UBN2: variants seen among roughly 807,000 people sequenced by gnomAD.
The protein encoded by UBN2 is ubinuclein 2.
Under a neutral mutation model 120.2 loss-of-function variants are expected in UBN2, and 35 were observed. That is an observed-to-expected ratio of 0.29 (90% CI 0.22 to 0.39). UBN2 has a LOEUF of 0.39. UBN2 is among the 10% of genes least tolerant of loss of function. The pLI, the probability that UBN2 is intolerant of heterozygous loss-of-function variation, is 1.00. For synonymous variants in UBN2, 661 were observed against 648.7 expected (o/e 1.02, Z -0.29); for missense variants, 1,693 against 1,663.2 (o/e 1.02, Z -0.31).
chr7:139,312,993 C>A (rs1203608665), downstream of UBN2, among the ~76,000 whole-genome samples: 1 of 151,868 alleles, frequency 6.6e-6, no homozygotes, highest in African/African-American at 2.4e-5. Context: ...TTCCATTGTT[C>A]TTTTTATTTC....
chr7:139,323,712 C>T, the UBN2 span, among the ~76,000 whole-genome samples: 1 of 151,886 alleles, frequency 6.6e-6, no homozygotes, highest in East Asian at 1.9e-4. Flanking sequence ...GCCTCAGCCT[C>T]CTGAGTAGCT....
At chr7:139,328,998 C>T in the UBN2 span, among the ~76,000 whole-genome samples, 1 of 151,964 alleles carries the variant, frequency 6.6e-6, no homozygotes, top group African/African-American at 2.4e-5. Flanking sequence ...GTAATCCCAG[C>T]ATTTTGGGAG....
At chr7:139,322,054 A>T in the UBN2 span, among the ~76,000 whole-genome samples, 1 of 152,056 alleles carries the variant, frequency 6.6e-6, no homozygotes, top group East Asian at 1.9e-4. Context: ...GCTCACTGCA[A>T]CCTCTGCCTC....
chr7:139,294,700 G>T (rs1798061431), intron 17 of UBN2, among the ~76,000 whole-genome samples: 2 of 152,186 alleles, frequency 1.3e-5, no homozygotes, highest in African/African-American at 4.8e-5. Flanking sequence ...AGTTAGCCAG[G>T]CCTGATGGCG....
intron 2 of UBN2, among the ~76,000 whole-genome samples, chr7:139,240,404 G>A (rs1194397226): frequency 6.9e-6 from 1 of 144,864 alleles, no homozygotes; most frequent in African/African-American, 2.5e-5. Context: ...TGAGTTTACA[G>A]ATATGAGCCA....
At chr7:139,281,946 ATAC>A (rs1242155257) in intron 13 of UBN2, 56 bp from the exon 14 acceptor site, 64 of 1,544,180 alleles carry the variant, frequency 4.1e-5, no homozygotes, top group South Asian at 5.7e-5. Flanking sequence ...CTTAGAAAAA[ATAC>A]TAAGGAAGTT....
intron 2 of UBN2, among the ~76,000 whole-genome samples, chr7:139,243,587 T>C (rs545295072): frequency 6.6e-5 from 10 of 152,340 alleles, no homozygotes; most frequent in African/African-American, 2.4e-4. Context: ...TTCCAGCTTA[T>C]ACAATTTACA....
chr7:139,329,548 G>T, the UBN2 span, among the ~76,000 whole-genome samples: 1 of 152,122 alleles, frequency 6.6e-6, no homozygotes, highest in Non-Finnish European at 1.5e-5. Flanking sequence ...CATTCCCACT[G>T]AAACAGAAGT....
chr7:139,289,930 G>T (rs1797902888), intron 15 of UBN2, among the ~76,000 whole-genome samples: 1 of 150,986 alleles, frequency 6.6e-6, no homozygotes, highest in Non-Finnish European at 1.5e-5. Context: ...GTCTTGCTCT[G>T]TTGCCCAGGC....
intron 2 of UBN2, among the ~76,000 whole-genome samples, chr7:139,238,274 T>C (rs767752071): frequency 6.6e-6 from 1 of 152,186 alleles, no homozygotes; most frequent in Non-Finnish European, 1.5e-5. Flanking sequence ...TTGACCCATA[T>C]GTGCTGGCTC....
chr7:139,291,791 C>G (rs994314639), intron 15 of UBN2, among the ~76,000 whole-genome samples: 1 of 150,960 alleles, frequency 6.6e-6, no homozygotes, highest in Non-Finnish European at 1.5e-5. Context: ...GAGTTTGAGT[C>G]TGCCATGAGC....
At chr7:139,284,669 G>C in intron 15 of UBN2, 95 bp downstream of exon 15, 1 of 1,127,476 alleles carries the variant, frequency 8.9e-7, no homozygotes, top group Non-Finnish European at 1.2e-6. Context: ...ATGATATGTG[G>C]ATTGTTCTCA....
chr7:139,253,374 G>C (rs1796672956), intron 3 of UBN2, among the ~76,000 whole-genome samples: 1 of 152,096 alleles, frequency 6.6e-6, no homozygotes, highest in Non-Finnish European at 1.5e-5. Context: ...TTGGTCAAAG[G>C]GCATTTATTT....
At chr7:139,282,566 A>AT (rs1563221975) in intron 14 of UBN2, among the ~76,000 whole-genome samples, 1 of 152,218 alleles carries the variant, frequency 6.6e-6, no homozygotes, top group African/African-American at 2.4e-5. Flanking sequence ...AGGACAGGGC[A>AT]TACAAAGAGG....
the UBN2 span, chr7:139,315,518 T>C: frequency 6.6e-6 from 1 of 152,218 alleles, no homozygotes; most frequent in Non-Finnish European, 1.5e-5. Flanking sequence ...TATGGATATG[T>C]CACAGTTTAC....
At chr7:139,288,866 G>A (rs1451710360) in intron 15 of UBN2, among the ~76,000 whole-genome samples, 1 of 151,906 alleles carries the variant, frequency 6.6e-6, no homozygotes, top group Admixed American at 6.6e-5. Context: ...GCTGGGTATG[G>A]TGGCACGTGC....
chr7:139,284,403 T>C lies in UBN2; in HGVS notation c.3498T>C (p.Ile1166=). The C allele has an allele frequency of 1.1e-5, 18 of 1,614,164 alleles. No individual in the cohort carries two copies. Among genetic ancestry groups the C allele is most frequent in the Non-Finnish European group, 1.5e-5 (18 of 1,180,036 alleles). ...TTGGGAAGAACAGCTTGAGTGGAAT[T>C]GCAATGAATGTACCTGCCAGCAGAG... The part of the protein sequence containing the change: ...GTVGKNSLSG[I]AMNVPASRGS... The change falls in exon 15 of 18, where the codon ATT becomes ATC. Residue 1166 remains isoleucine (I), a synonymous_variant. Coordinates refer to ENST00000473989, the MANE Select transcript of UBN2 (RefSeq NM_173569.4).
downstream of UBN2, among the ~76,000 whole-genome samples, chr7:139,308,798 G>A (rs541157786): frequency 3.4e-4 from 52 of 152,322 alleles, no homozygotes; most frequent in East Asian, 4.6e-3. Context: ...GAGGCCGGGC[G>A]TGGTGGCTCA....
At chr7:139,276,513 A>C in intron 12 of UBN2, 1 of 249,248 alleles carries the variant, frequency 4.0e-6, no homozygotes, top group Non-Finnish European at 7.8e-6. Context: ...ACAGATCCAT[A>C]TGCACACCCA....
Sources: gnomAD v4.1 joint callset for allele counts (sites outside exome capture counted in the v4.1 genomes callset) on GRCh38, gnomAD v4.1.1 for gene constraint, MANE v1.5 for transcripts, NCBI Gene and HGNC (gene_info 2026-07-23, HGNC 2026-07-21) for gene names.